Variants in ZNF674 observed in about 807,000 individuals in gnomAD.
ZNF674 encodes the protein zinc finger protein 674.
In ZNF674, 2 loss-of-function variants were observed where a neutral mutation model predicts 7.0. That is an observed-to-expected ratio of 0.29 (90% CI 0.12 to 0.90). The LOEUF (loss-of-function observed/expected upper bound fraction) is 0.90. Ranked by LOEUF, ZNF674 falls within the 40% of genes least tolerant of loss-of-function variation. The pLI, the probability that ZNF674 is intolerant of heterozygous loss-of-function variation, is 0.57. For missense variants in ZNF674, 297 were observed against 415.5 expected (o/e 0.71, Z 2.48); for synonymous variants, 103 against 145.2 (o/e 0.71, Z 2.09).
chrX:46,527,917 C>T (rs1032705317), intron 5 of ZNF674: 2 of 135,706 alleles, frequency 1.5e-5, no homozygotes, highest in African/African-American at 6.6e-5. Context: ...AAGACTCCAA[C>T]TTTCAGCCTG....
intron 2 of ZNF674, among the ~76,000 whole-genome samples, chrX:46,542,526 T>C (rs1195179611): frequency 9.0e-6 from 1 of 110,974 alleles, no homozygotes; most frequent in Non-Finnish European, 1.9e-5. Context: ...CTAGACAATA[T>C]AGCAAGGCCT....
chrX:46,517,013 A>AAG, intron 5 of ZNF674, among the ~76,000 whole-genome samples: 1 of 110,875 alleles, frequency 9.0e-6, no homozygotes, highest in African/African-American at 3.3e-5. Context: ...CAAAAAAAAA[A>AAG]AAAGAAAAAG....
Position 46,499,848 on chromosome X carries a change from G to A in ZNF674, c.1726C>T (p.Leu576=). 2 of 1,127,552 alleles carry A rather than the reference G, an allele frequency of 1.8e-6. No individual in the cohort carries two copies. Among genetic ancestry groups the A allele is most frequent in the Non-Finnish European group, 2.3e-6 (2 of 854,446 alleles). The allele number at this position is 1,127,552 out of a possible 1,213,427, so 92.9% of individuals were successfully genotyped here. ...TATCCCACTCTCAAGTATAATCATA[G>A]GTTTTTATCTCCTGTGTGACTTCTC... The part of the protein sequence containing the change: ...HQRSHTGDKN[L] The change falls in exon 6 of 6, where the codon CTA becomes TTA. Residue 576 remains leucine, a synonymous_variant. Coordinates refer to ENST00000683375, the MANE Select transcript of ZNF674 (RefSeq NM_001190417.2).
At chrX:46,531,029 G>C (rs1334795000) in intron 3 of ZNF674, among the ~76,000 whole-genome samples, 2 of 112,979 alleles carry the variant, frequency 1.8e-5, no homozygotes, top group African/African-American at 6.4e-5. Flanking sequence ...CCTGCAGTGA[G>C]CCAAGACTGC....
chrX:46,543,728 A>G (rs1407533849), intron 2 of ZNF674, among the ~76,000 whole-genome samples: 1 of 112,145 alleles, frequency 8.9e-6, no homozygotes, highest in Non-Finnish European at 1.9e-5. Context: ...GTGCAGAGTA[A>G]CCATTTCATA....
chrX:46,511,266 G>A (rs1216209476), intron 5 of ZNF674, among the ~76,000 whole-genome samples: 13 of 111,773 alleles, frequency 1.2e-4, no homozygotes, highest in African/African-American at 3.2e-4. Flanking sequence ...ATAGAAGACC[G>A]AAGAGAATTA....
intron 5 of ZNF674, among the ~76,000 whole-genome samples, chrX:46,511,818 T>G (rs776078391): frequency 1.1e-5 from 1 of 94,165 alleles, no homozygotes; most frequent in South Asian, 4.7e-4. Context: ...GAGGTCGGAG[T>G]TCAAGACCGG....
intron 2 of ZNF674, among the ~76,000 whole-genome samples, chrX:46,543,928 C>G (rs563900063): frequency 1.8e-5 from 2 of 112,712 alleles, no homozygotes; most frequent in African/African-American, 6.4e-5. Flanking sequence ...TCAGGATGAA[C>G]GGACACTCAG....
At chrX:46,514,210 C>G (rs778274611) in intron 5 of ZNF674, among the ~76,000 whole-genome samples, 26 of 111,754 alleles carry the variant, frequency 2.3e-4, no homozygotes, top group African/African-American at 8.1e-4. Context: ...TCACCCCACC[C>G]CAATCTGATG....
At position 46,501,159 on chromosome X, in the gene ZNF674, G is replaced by T. The variant is rs1941420377; in HGVS notation, c.415C>A (p.Pro139Thr). 8.3e-7 allele frequency: 1 copy of T among 1,206,482 alleles called. No homozygotes were observed. The highest frequency in any genetic ancestry group is 1.8e-5 in the African/African-American group (1 of 57,014). ...CACCTTTCCCATGAATAATATTTAG[G>T]GAGTCTTTGTTTTACAGAAACAAAG... is the stretch of plus-strand genomic sequence containing the variant. ...TDFVSVKQRL[P>T]KYYSWERCSK... The change falls in exon 6 of 6, where the codon CCT (proline) becomes ACT (threonine). Residue 139 changes from proline (P) to threonine (T), a missense_variant. By Grantham distance (38) the Pro-to-Thr change is conservative (BLOSUM62 -1). Coordinates refer to ENST00000683375, the MANE Select transcript of ZNF674 (RefSeq NM_001190417.2).
intron 5 of ZNF674, chrX:46,525,456 A>C: frequency 7.4e-6 from 1 of 134,283 alleles, no homozygotes; most frequent in Middle Eastern, 3.5e-3. Flanking sequence ...TACAAAAAAA[A>C]AAAAAAAAAT....
chrX:46,536,304 A>T (rs1035991451), intron 3 of ZNF674, among the ~76,000 whole-genome samples: 2 of 110,459 alleles, frequency 1.8e-5, no homozygotes, highest in Non-Finnish European at 3.8e-5. Flanking sequence ...TACAAAAATA[A>T]AAAAGGGCTA....
intron 3 of ZNF674, among the ~76,000 whole-genome samples, chrX:46,538,038 G>A (rs1175405347): frequency 5.5e-5 from 6 of 109,815 alleles, no homozygotes; most frequent in Non-Finnish European, 1.1e-4. Flanking sequence ...GCAGTGAGCC[G>A]AGATCGTGCC....
chrX:46,505,057 T>G (rs952382789), intron 5 of ZNF674, among the ~76,000 whole-genome samples: 7 of 110,065 alleles, frequency 6.4e-5, no homozygotes, highest in Admixed American at 1.9e-4. Context: ...ACCTGGCTAA[T>G]TTTTGTATTT....
At chrX:46,528,734 AAC>A (rs760569827) in intron 4 of ZNF674, 47 bp downstream of exon 4, 11 of 1,204,223 alleles carry the variant, frequency 9.1e-6, no homozygotes, top group Non-Finnish European at 1.2e-5. Context: ...CTGAGAAAGA[AAC>A]ACAGTACTGG....
chrX:46,512,239 G>A (rs760397977), intron 5 of ZNF674, among the ~76,000 whole-genome samples: 220 of 109,870 alleles, frequency 2.0e-3, no homozygotes, highest in Non-Finnish European at 3.1e-3. Flanking sequence ...GCACATGCCT[G>A]TAATCCCAGC....
At chrX:46,518,890 C>CCAAA (rs1556015091) in intron 5 of ZNF674, among the ~76,000 whole-genome samples, 1 of 99,418 alleles carries the variant, frequency 1.0e-5, no homozygotes, top group Non-Finnish European at 2.0e-5. Flanking sequence ...GACTCCGTCT[C>CCAAA]TAAATAAATA....
chrX:46,511,501 T>C (rs922211534), intron 5 of ZNF674, among the ~76,000 whole-genome samples: 1 of 111,808 alleles, frequency 8.9e-6, no homozygotes, highest in African/African-American at 3.2e-5. Context: ...TTAAATGACA[T>C]AAAAGGATAA....
chrX:46,511,169 C>T (rs1469900381), intron 5 of ZNF674, among the ~76,000 whole-genome samples: 1 of 111,710 alleles, frequency 9.0e-6, no homozygotes, highest in African/African-American at 3.3e-5. Context: ...AAACATTGTA[C>T]TACAGGTCCT....
Sources: gnomAD v4.1 joint callset for allele counts (sites outside exome capture counted in the v4.1 genomes callset) on GRCh38, gnomAD v4.1.1 for gene constraint, MANE v1.5 for transcripts, NCBI Gene and HGNC (gene_info 2026-07-23, HGNC 2026-07-21) for gene names.